CNTNAP5: variants seen among roughly 807,000 people sequenced by gnomAD.
The protein encoded by CNTNAP5 is contactin associated protein family member 5, also known as contactin-associated protein-like 5.
CNTNAP5 carries 72 observed loss-of-function variants against 150.2 expected under a neutral mutation model. The observed-to-expected ratio is 0.48, with a 90% CI of 0.40 to 0.58. The LOEUF (loss-of-function observed/expected upper bound fraction) is 0.58, where lower values mean the gene tolerates loss of function less well. CNTNAP5 is among the 20% of genes least tolerant of loss of function. CNTNAP5 has a pLI of 0.00. For synonymous variants in CNTNAP5, 672 were observed against 619.8 expected (o/e 1.08, Z -1.25); for missense variants, 1,636 against 1,626.2 (o/e 1.01, Z -0.10).
chr2:124,030,791 G>T (rs1047216531), intron 1 of CNTNAP5, among the ~76,000 whole-genome samples: 2 of 152,106 alleles, frequency 1.3e-5, no homozygotes, highest in South Asian at 4.1e-4. Context: ...ATAGGGAAAG[G>T]ACATAGCCTT....
intron 19 of CNTNAP5, among the ~76,000 whole-genome samples, chr2:124,846,380 T>A (rs972538694): frequency 6.6e-6 from 1 of 152,182 alleles, no homozygotes; most frequent in African/African-American, 2.4e-5. Flanking sequence ...GCTGAGACTT[T>A]CCGGTGCATT....
intron 3 of CNTNAP5, among the ~76,000 whole-genome samples, chr2:124,297,972 G>A (rs975890689): frequency 3.3e-5 from 5 of 151,898 alleles, no homozygotes; most frequent in African/African-American, 7.3e-5. Flanking sequence ...AGCCTCCTGA[G>A]TAGCTGAGAT....
At chr2:124,811,348 C>T (rs1682214470) in intron 19 of CNTNAP5, among the ~76,000 whole-genome samples, 1 of 152,104 alleles carries the variant, frequency 6.6e-6, no homozygotes, top group Non-Finnish European at 1.5e-5. Flanking sequence ...CAGCTGCTTT[C>T]TTATGTTCAG....
At chr2:124,417,301 T>G in intron 3 of CNTNAP5, 142 bp from the exon 4 acceptor site, 1 of 820,850 alleles carries the variant, frequency 1.2e-6, no homozygotes, top group East Asian at 2.7e-5. Flanking sequence ...TGATGCAGGA[T>G]TTTCACCCAA....
Position 124,504,347 on chromosome 2 carries a change from A to C in CNTNAP5, c.1118A>C (p.Asn373Thr). Residue 373 changes from asparagine to threonine, a missense_variant, in exon 8 of 24, where the codon AAC becomes ACC. By Grantham distance (65) the Asn-to-Thr change is moderately conservative (BLOSUM62 0). Transcript: ENST00000682447. Reference protein sequence around the residue: ...EPQIVPITFVNSSGSYLLLPG... With the variant: ...EPQIVPITFVTSSGSYLLLPG... ...CAGATTGTGCCCATCACATTTGTCA[A>C]CTCCAGCGGCAGCTATTTGCTGCTG... The C allele has an allele frequency of 6.2e-7, 1 of 1,613,764 alleles. No individual in the cohort carries two copies.
At chr2:124,475,418 G>A (rs895471217) in intron 7 of CNTNAP5, among the ~76,000 whole-genome samples, 3 of 152,030 alleles carry the variant, frequency 2.0e-5, no homozygotes, top group Non-Finnish European at 4.4e-5. Flanking sequence ...TCAGGACTGT[G>A]TTTTCTTTTT....
At chr2:124,895,011 A>G (rs1678273515) in intron 21 of CNTNAP5, among the ~76,000 whole-genome samples, 1 of 151,576 alleles carries the variant, frequency 6.6e-6, no homozygotes, top group Non-Finnish European at 1.5e-5. Flanking sequence ...GGGCCTTTAC[A>G]TAATGCATGT....
intron 4 of CNTNAP5, among the ~76,000 whole-genome samples, chr2:124,430,076 C>T (rs573648421): frequency 4.6e-5 from 7 of 152,022 alleles, no homozygotes; most frequent in Non-Finnish European, 8.8e-5. Context: ...AATCCAATTG[C>T]GAGGTGCATT....
chr2:124,873,212 G>A (rs1236672071), intron 21 of CNTNAP5, among the ~76,000 whole-genome samples: 1 of 152,040 alleles, frequency 6.6e-6, no homozygotes, highest in Non-Finnish European at 1.5e-5. Flanking sequence ...GAGCGAGGAG[G>A]AAGGTGCCAC....
intron 17 of CNTNAP5, among the ~76,000 whole-genome samples, chr2:124,786,699 C>T (rs886317862): frequency 6.6e-6 from 1 of 151,958 alleles, no homozygotes; most frequent in East Asian, 1.9e-4. Context: ...ACAGGGCTGG[C>T]GTAGGGGAGG....
chr2:124,838,101 T>G (rs1381897910), intron 19 of CNTNAP5, among the ~76,000 whole-genome samples: 5 of 152,146 alleles, frequency 3.3e-5, no homozygotes, highest in Non-Finnish European at 7.4e-5. Context: ...TGTCTGCAAA[T>G]GTAGCTTCAG....
At chr2:124,619,693 G>A (rs1043914293) in intron 12 of CNTNAP5, among the ~76,000 whole-genome samples, 1 of 151,674 alleles carries the variant, frequency 6.6e-6, no homozygotes, top group African/African-American at 2.4e-5. Context: ...CCCAAATGAG[G>A]AGGAATTCTG....
intron 1 of CNTNAP5, among the ~76,000 whole-genome samples, chr2:124,116,432 A>G (rs572357482): frequency 1.3e-3 from 203 of 152,316 alleles, no homozygotes; most frequent in Non-Finnish European, 2.6e-3. Context: ...AGAAGGGAAG[A>G]GATGGCAGTA....
chr2:124,431,063 C>T (rs1341951052), intron 4 of CNTNAP5, among the ~76,000 whole-genome samples: 1 of 152,152 alleles, frequency 6.6e-6, no homozygotes, highest in East Asian at 1.9e-4. Context: ...CCAACACCTG[C>T]CCCCAGGTAG....
intron 17 of CNTNAP5, among the ~76,000 whole-genome samples, chr2:124,784,404 A>G (rs564220951): frequency 1.3e-5 from 2 of 152,198 alleles, no homozygotes; most frequent in African/African-American, 4.8e-5. Context: ...CAACTGACAC[A>G]TGGAGGTTTT....
chr2:124,545,760 ACT>A (rs1558948140), intron 10 of CNTNAP5, among the ~76,000 whole-genome samples: 1 of 151,986 alleles, frequency 6.6e-6, no homozygotes, highest in Non-Finnish European at 1.5e-5. Flanking sequence ...AACCCAGGAC[ACT>A]CTTCAAAGCT....
chr2:124,247,308 G>A (rs964230470), intron 3 of CNTNAP5, among the ~76,000 whole-genome samples: 2 of 150,920 alleles, frequency 1.3e-5, no homozygotes, highest in Non-Finnish European at 3.0e-5. Flanking sequence ...CAAGCACTGT[G>A]CAAGGTGCTA....
At chr2:124,104,235 A>G (rs2104699499) in intron 1 of CNTNAP5, among the ~76,000 whole-genome samples, 1 of 152,172 alleles carries the variant, frequency 6.6e-6, no homozygotes, top group South Asian at 2.1e-4. Context: ...AACTCCATGT[A>G]TGTATCACAC....
rs1694356318 is a variant in CNTNAP5 at position 124,504,501 on chromosome 2, A to G, written c.1272A>G (p.Gly424=). 2 of 1,613,674 alleles carry G rather than the reference A, an allele frequency of 1.2e-6. No homozygotes were observed. Among genetic ancestry groups the G allele is most frequent in the African/African-American group, 2.7e-5 (2 of 74,878 alleles). Residue 424 remains glycine (G), a synonymous_variant, in exon 8 of 24, where the codon GGA becomes GGG. Transcript: ENST00000682447. ...SGTLLLSLEG[G]ILRLVIQKMT... is the part of the protein sequence containing the mutation. ...CCCTGCTGCTGAGCCTGGAGGGTGG[A>G]ATCCTGAGACTCGTGATTCAGAAAA...
Sources: gnomAD v4.1 joint callset for allele counts (sites outside exome capture counted in the v4.1 genomes callset) on GRCh38, gnomAD v4.1.1 for gene constraint, MANE v1.5 for transcripts, NCBI Gene and HGNC (gene_info 2026-07-23, HGNC 2026-07-21) for gene names.